HIF1A: variants seen among roughly 807,000 people sequenced by gnomAD.
HIF1A encodes hypoxia inducible factor 1 subunit alpha.
Under a neutral mutation model 92.7 loss-of-function variants are expected in HIF1A, and 24 were observed. The observed-to-expected ratio is 0.26, with a 90% CI of 0.19 to 0.36. HIF1A has a LOEUF of 0.36. Among genes scored for constraint, HIF1A ranks in the 10% least tolerant of loss-of-function variants. HIF1A has a pLI of 1.00. For synonymous variants in HIF1A, 319 were observed against 338.7 expected (o/e 0.94, Z 0.64); for missense variants, 799 against 998.5 (o/e 0.80, Z 2.69).
At chr14:61,707,673 A>C (rs553389222) in intron 1 of HIF1A, among the ~76,000 whole-genome samples, 38 of 151,546 alleles carry the variant, frequency 2.5e-4, no homozygotes, top group Admixed American at 2.2e-3. Flanking sequence ...TCCATGGTGT[A>C]TATGTGCCAC....
intron 12 of HIF1A, among the ~76,000 whole-genome samples, chr14:61,743,483 T>G (rs2044739164): frequency 6.6e-6 from 1 of 152,236 alleles, no homozygotes; most frequent in South Asian, 2.1e-4. Context: ...GTACTACTAC[T>G]ACTACAATGA....
At chr14:61,730,628 G>A (rs2044565224) in intron 6 of HIF1A, among the ~76,000 whole-genome samples, 1 of 152,148 alleles carries the variant, frequency 6.6e-6, no homozygotes. Flanking sequence ...ATAAGAGGCT[G>A]TTCCTCATTC....
intron 1 of HIF1A, among the ~76,000 whole-genome samples, chr14:61,696,172 G>T (rs2044113208): frequency 6.6e-6 from 1 of 152,264 alleles, no homozygotes. Flanking sequence ...GGCCCCATCC[G>T]GAGGGGACTT....
intron 12 of HIF1A, among the ~76,000 whole-genome samples, chr14:61,742,833 C>T (rs549101903): frequency 1.6e-5 from 2 of 126,568 alleles, no homozygotes; most frequent in African/African-American, 5.9e-5. Flanking sequence ...TGCAGTGAGC[C>T]GAGATCGTGC....
chr14:61,732,493 C>T lies in HIF1A; in HGVS notation c.849C>T (p.Asp283=), dbSNP rs751690124. ...RSIYEYYHAL[D]SDHLTKTHHD... ...TTTATGAATATTATCATGCTTTGGA[C>T]TCTGATCATCTGACCAAAACTCATC... The change falls in exon 7 of 15, where the codon GAC becomes GAT. Residue 283 remains aspartate, a synonymous_variant. Transcript: ENST00000337138. 4 of 1,607,526 alleles carry T rather than the reference C, an allele frequency of 2.5e-6. No individual in the cohort carries two copies. In the South Asian group the frequency reaches 4.4e-5, roughly 18 times the overall value.
chr14:61,740,442 C>T, intron 10 of HIF1A, 63 bp from the exon 11 acceptor site: 1 of 1,253,246 alleles, frequency 8.0e-7, no homozygotes, highest in Non-Finnish European at 1.1e-6. Flanking sequence ...TTTGAAAATT[C>T]TGACAACTAG....
intron 12 of HIF1A, 30 bp downstream of exon 12, chr14:61,741,218 T>A: frequency 7.0e-7 from 1 of 1,437,590 alleles, no homozygotes; most frequent in South Asian, 1.3e-5. Context: ...AAGTTATAGT[T>A]CTTTTATTAT....
At position 61,726,773 on chromosome 14, in the gene HIF1A, A is replaced by G; in HGVS notation, c.525A>G (p.Leu175=). 6.2e-7 allele frequency: 1 copy of G among 1,609,852 alleles called. No homozygotes were observed. The highest frequency in any genetic ancestry group is 8.5e-7 in the Non-Finnish European group (1 of 1,178,246). ...TTTTTCTCAGAATGAAGTGTACCCTAACTAGCCGAGGAAGAACTATGAACA... is the reference window on the plus strand; with the variant it reads ...TTTTTCTCAGAATGAAGTGTACCCTGACTAGCCGAGGAAGAACTATGAACA... ...RSFFLRMKCT[L]TSRGRTMNIK... The change falls in exon 5 of 15, where the codon CTA becomes CTG. Residue 175 remains leucine (L), a synonymous_variant. Coordinates refer to ENST00000337138, the MANE Select transcript of HIF1A (RefSeq NM_001530.4).
rs1165437560 is a variant in HIF1A, at chr14:61,747,978, AT to A, written c.*894del. Reference sequence around the variant, plus strand: ...GCAGACTGTAAACAAGAAAAAAAAAATCATGCATTCTTAGCAAAATTGCCTA... The same window carrying A: ...GCAGACTGTAAACAAGAAAAAAAAAACATGCATTCTTAGCAAAATTGCCTA... On this transcript the variant is annotated 3_prime_UTR_variant, in exon 15 of 15. Transcript: ENST00000337138. 1.3e-5 allele frequency: 2 copies of A among 152,548 alleles called. No homozygotes were observed. Among genetic ancestry groups the A allele is most frequent in the African/African-American group, 2.4e-5 (1 of 41,438 alleles). The allele number at this position is 152,548 out of a possible 1,614,324, so 9.4% of individuals were successfully genotyped here. A position where few individuals can be genotyped will look rare whatever the true frequency, so the allele number is the denominator to read the frequency against.
At chr14:61,716,131 C>T in intron 1 of HIF1A, among the ~76,000 whole-genome samples, 1 of 152,090 alleles carries the variant, frequency 6.6e-6, no homozygotes, top group East Asian at 1.9e-4. Context: ...ATATAATTCT[C>T]ACCTATCAGC....
At chr14:61,705,748 A>G (rs1303741538) in intron 1 of HIF1A, among the ~76,000 whole-genome samples, 1 of 152,176 alleles carries the variant, frequency 6.6e-6, no homozygotes, top group African/African-American at 2.4e-5. Context: ...AGACAAAGAA[A>G]CAGGATCAGA....
rs944036180 is a variant in HIF1A, at chr14:61,737,055, T to C, written c.1195T>C (p.Leu399=). ...KLKKEPDALT[L]LAPAAGDTII... Reference sequence around the variant, plus strand: ...TAAGAAGGAACCTGATGCTTTAACTTTGCTGGCCCCAGCCGCTGGAGACAC... The same window carrying C: ...TAAGAAGGAACCTGATGCTTTAACTCTGCTGGCCCCAGCCGCTGGAGACAC... Residue 399 remains leucine (L), a synonymous_variant, in exon 9 of 15, where the codon TTG becomes CTG. Transcript: ENST00000337138. 3 of 1,614,072 alleles carry C rather than the reference T, an allele frequency of 1.9e-6. No individual in the cohort carries two copies. Among genetic ancestry groups the C allele is most frequent in the Non-Finnish European group, 8.5e-7 (1 of 1,180,046 alleles).
chr14:61,705,672 G>C (rs1450745219), intron 1 of HIF1A, among the ~76,000 whole-genome samples: 1 of 152,056 alleles, frequency 6.6e-6, no homozygotes, highest in Non-Finnish European at 1.5e-5. Context: ...TGGGGAAAAG[G>C]GTGGAGATTC....
intron 4 of HIF1A, among the ~76,000 whole-genome samples, chr14:61,723,674 T>C (rs145671888): frequency 6.6e-6 from 1 of 152,112 alleles, no homozygotes; most frequent in Non-Finnish European, 1.5e-5. Context: ...ATGTGCAGAG[T>C]TGAGGTTTAT....
At chr14:61,712,003 G>A (rs1394197012) in intron 1 of HIF1A, among the ~76,000 whole-genome samples, 1 of 152,144 alleles carries the variant, frequency 6.6e-6, no homozygotes, top group African/African-American at 2.4e-5. Flanking sequence ...GAACAAAATA[G>A]ACAAAAGTCT....
At chr14:61,718,455 A>G (rs2044387658) in intron 1 of HIF1A, among the ~76,000 whole-genome samples, 1 of 152,150 alleles carries the variant, frequency 6.6e-6, no homozygotes, top group African/African-American at 2.4e-5. Flanking sequence ...TGTTAGGGCC[A>G]ATAGGGACCT....
intron 4 of HIF1A, among the ~76,000 whole-genome samples, chr14:61,724,807 A>T (rs1040417483): frequency 6.6e-6 from 1 of 152,124 alleles, no homozygotes; most frequent in Non-Finnish European, 1.5e-5. Context: ...CTCTCATTAC[A>T]GTCACCTAAT....
At chr14:61,698,898 G>C (rs1314947632) in intron 1 of HIF1A, 3 of 152,090 alleles carry the variant, frequency 2.0e-5, no homozygotes, top group African/African-American at 7.2e-5. Context: ...TAGTCTTACT[G>C]TTCATTTAAG....
At chr14:61,734,607 G>A (rs781273247) in intron 8 of HIF1A, among the ~76,000 whole-genome samples, 3 of 152,140 alleles carry the variant, frequency 2.0e-5, no homozygotes, top group Non-Finnish European at 2.9e-5. Context: ...CAAGACAGCT[G>A]TGTTCTTTTT....
Sources: gnomAD v4.1 joint callset for allele counts (sites outside exome capture counted in the v4.1 genomes callset) on GRCh38, gnomAD v4.1.1 for gene constraint, MANE v1.5 for transcripts, NCBI Gene and HGNC (gene_info 2026-07-23, HGNC 2026-07-21) for gene names.